The following RFC2 variants were observed in gnomAD, a reference collection of about 807,000 sequenced individuals.
RFC2 encodes the protein replication factor C subunit 2, also known as A1 40 kDa subunit.
Under a neutral mutation model 44.8 loss-of-function variants are expected in RFC2, and 34 were observed. That is an observed-to-expected ratio of 0.76 (90% CI 0.58 to 1.01). RFC2 has a LOEUF of 1.01. Among genes scored for constraint, RFC2 ranks in the 50% least tolerant of loss-of-function variants. The pLI is 0.00. For missense variants in RFC2, 400 were observed against 453.6 expected (o/e 0.88, Z 1.07); for synonymous variants, 177 against 168.9 (o/e 1.05, Z -0.37).
intron 5 of RFC2, among the ~76,000 whole-genome samples, chr7:74,245,877 A>G (rs1265468511): frequency 2.6e-5 from 4 of 151,902 alleles, no homozygotes; most frequent in Non-Finnish European, 5.9e-5. Context: ...CCTGGCCAAC[A>G]TGGCGAAACC....
At chr7:74,245,714 C>CA (rs1182981268) in intron 5 of RFC2, among the ~76,000 whole-genome samples, 3,555 of 65,806 alleles carry the variant, frequency 0.054, 140 homozygotes, top group African/African-American at 0.14. Context: ...CTCCGTCTCA[C>CA]AAAAAAAAAA....
intron 6 of RFC2, among the ~76,000 whole-genome samples, chr7:74,240,814 G>A (rs1803296481): frequency 6.6e-6 from 1 of 152,058 alleles, no homozygotes; most frequent in Non-Finnish European, 1.5e-5. Flanking sequence ...TTTTTTCATA[G>A]ACAGGGTTTT....
At chr7:74,250,160 A>C (rs1313231600) in intron 2 of RFC2, among the ~76,000 whole-genome samples, 6 of 151,840 alleles carry the variant, frequency 4.0e-5, no homozygotes, top group African/African-American at 1.2e-4. Context: ...CAAAAACAAA[A>C]AAAAAAAAAC....
Position 74,232,925 on chromosome 7 carries a change from T to C in RFC2, c.955-709A>G, listed in dbSNP as rs962138344. 1.4e-4 allele frequency among the ~76,000 whole-genome samples: 21 copies of C among 150,832 alleles called. 1 individual carries two copies. The highest frequency in any genetic ancestry group is 1.3e-3 in the Admixed American group (20 of 15,122). Reference sequence around the variant, plus strand: ...TCAAACAACCCAATTAAAAAATGGGTAGATTTAGACCTGGAGCAGTAGCTC... The same window carrying C: ...TCAAACAACCCAATTAAAAAATGGGCAGATTTAGACCTGGAGCAGTAGCTC... On this transcript the variant is annotated intron_variant, in intron 10 of 10. Transcript: ENST00000055077.
chr7:74,235,746 A>ACATG, intron 9 of RFC2, 101 bp from the exon 10 acceptor site: 1 of 756,618 alleles, frequency 1.3e-6, no homozygotes, highest in African/African-American at 1.7e-5. Flanking sequence ...CCTTCAGGTC[A>ACATG]CATGGGGGTA....
At position 74,238,049 on chromosome 7, in the gene RFC2, G is replaced by A. The variant is rs966436597; in HGVS notation, c.760-607C>T. Among the ~76,000 whole-genome samples, 1 of 151,968 alleles carries A rather than the reference G, an allele frequency of 6.6e-6. No homozygotes were observed. Among genetic ancestry groups the A allele is most frequent in the African/African-American group, 2.4e-5 (1 of 41,392 alleles). ...ATGGCTCCAGAGGTCACCCACACCT[G>A]CCCTTGCCTTTTCCCGGTGGAAGCC... On this transcript the variant is annotated intron_variant, in intron 8 of 10. Coordinates refer to ENST00000055077, the MANE Select transcript of RFC2 (RefSeq NM_181471.3). This position sits in a 1 kb window ranked among gnomAD's most constrained non-coding sequence, Gnocchi z 4.0.
intron 4 of RFC2, among the ~76,000 whole-genome samples, chr7:74,247,677 G>A (rs1403718713): frequency 6.6e-6 from 1 of 152,068 alleles, no homozygotes. Context: ...GAACAGAACA[G>A]TACAGAACTG....
chr7:74,241,009 C>A (rs1803303999), intron 6 of RFC2, among the ~76,000 whole-genome samples: 2 of 152,120 alleles, frequency 1.3e-5, no homozygotes, highest in Admixed American at 1.3e-4. Context: ...AGGCTCACTG[C>A]AACCTCCACC....
intron 9 of RFC2, 54 bp from the exon 10 acceptor site, chr7:74,235,699 T>C (rs1802979463): frequency 2.4e-6 from 3 of 1,272,562 alleles, no homozygotes; most frequent in Non-Finnish European, 3.5e-6. Flanking sequence ...TAAGAAGACA[T>C]GTGATTTTGA....
intron 2 of RFC2, among the ~76,000 whole-genome samples, chr7:74,250,387 C>T (rs1479853195): frequency 6.6e-6 from 1 of 151,884 alleles, no homozygotes; most frequent in Non-Finnish European, 1.5e-5. Context: ...AATTCCCAGG[C>T]TCAAGTGATC....
At chr7:74,240,208 TAG>T in intron 6 of RFC2, 113 bp from the exon 7 acceptor site, 1 of 931,434 alleles carries the variant, frequency 1.1e-6, no homozygotes, top group Non-Finnish European at 1.6e-6. Flanking sequence ...AGGCACTCAA[TAG>T]AGACTTGGTA....
chr7:74,246,244 C>T (rs1159395766), intron 5 of RFC2, among the ~76,000 whole-genome samples: 2 of 149,672 alleles, frequency 1.3e-5, no homozygotes, highest in Non-Finnish European at 3.0e-5. Flanking sequence ...AATACAAATA[C>T]AAAAATTAGC....
chr7:74,236,431 T>C lies in RFC2; in HGVS notation c.841-786A>G, dbSNP rs3135692. ...ACTTCCAACCTAGTTTGTTAGGGGG[T>C]AGGCAGAGGGAAACCATGACTGGAT... On this transcript the variant is annotated intron_variant, in intron 9 of 10. Coordinates refer to ENST00000055077, the MANE Select transcript of RFC2 (RefSeq NM_181471.3). Among the ~76,000 whole-genome samples, 5 of 152,172 alleles carry C rather than the reference T, an allele frequency of 3.3e-5. No homozygotes were observed. The East Asian group carries it at 9.7e-4, about 29-fold the overall frequency.
chr7:74,249,985 C>T (rs1786821382), intron 2 of RFC2, among the ~76,000 whole-genome samples: 1 of 151,824 alleles, frequency 6.6e-6, no homozygotes, highest in Non-Finnish European at 1.5e-5. Context: ...GACTCTGTCT[C>T]CTCAAAAAAT....
At chr7:74,236,022 T>C (rs1554718276) in intron 9 of RFC2, among the ~76,000 whole-genome samples, 1 of 152,158 alleles carries the variant, frequency 6.6e-6, no homozygotes, top group Non-Finnish European at 1.5e-5. Flanking sequence ...AATCTCTTGA[T>C]CCGGAGCTCT....
rs1306073908 is a variant in RFC2 at position 74,235,602 on chromosome 7, A to G, written c.884T>C (p.Ile295Thr). ...ACACACTCGAAAGATGTTGCCAATG[A>G]TATCTTCTGGTGAGTAGCCCAGATG... ...LWHLGYSPED[I>T]IGNIFRVCKT... is the part of the protein sequence containing the mutation. The change falls in exon 10 of 11, where the codon ATC becomes ACC. Residue 295 changes from isoleucine to threonine, a missense_variant. Ile to Thr is a moderately conservative substitution (Grantham distance 89, BLOSUM62 -1). Transcript: ENST00000055077. The G allele has an allele frequency of 1.2e-6, 2 of 1,613,768 alleles. No individual in the cohort carries two copies. The highest frequency in any genetic ancestry group is 1.7e-6 in the Non-Finnish European group (2 of 1,179,780).
At chr7:74,253,896 A>G (rs576558519) in intron 1 of RFC2, among the ~76,000 whole-genome samples, 2 of 152,324 alleles carry the variant, frequency 1.3e-5, no homozygotes, top group African/African-American at 2.4e-5. Context: ...TGAACCTAAC[A>G]GTCAAAATAT....
At chr7:74,241,968 A>AT (rs2116295604) in intron 6 of RFC2, among the ~76,000 whole-genome samples, 1 of 152,346 alleles carries the variant, frequency 6.6e-6, no homozygotes, top group South Asian at 2.1e-4. Flanking sequence ...TACAAAAAAA[A>AT]GAAAGAGAAG....
chr7:74,237,445 G>C lies in RFC2; in HGVS notation c.760-3C>G. ...AGTGGGTGGGGCTCGTCACAGACCT[G>C]GCCAAAGGGAAAGGAAAGGCGGTCA... On this transcript the variant is annotated splice_polypyrimidine_tract_variant and splice_region_variant and intron_variant, in intron 8 of 10. Transcript: ENST00000055077. The C allele has an allele frequency of 6.4e-7, 1 of 1,574,656 alleles. No homozygotes were observed. Among genetic ancestry groups the C allele is most frequent in the Non-Finnish European group, 8.7e-7 (1 of 1,155,680 alleles).
Sources: gnomAD v4.1 joint callset for allele counts (sites outside exome capture counted in the v4.1 genomes callset) on GRCh38, gnomAD v4.1.1 for gene constraint, Gnocchi (gnomAD v3.1) non-coding constraint, MANE v1.5 for transcripts, NCBI Gene and HGNC (gene_info 2026-07-23, HGNC 2026-07-21) for gene names.